The following CPED1 variants were observed in gnomAD, a reference collection of about 807,000 sequenced individuals.
CPED1 encodes the protein cadherin-like and PC-esterase domain-containing protein 1.
A neutral mutation model predicts 128.2 loss-of-function variants in CPED1; 114 were observed. That is an observed-to-expected ratio of 0.89 (90% CI 0.76 to 1.04). The LOEUF (loss-of-function observed/expected upper bound fraction) is 1.04, where lower values mean the gene tolerates loss of function less well. CPED1 is among the 50% of genes least tolerant of loss of function. The pLI, the probability that CPED1 is intolerant of heterozygous loss-of-function variation, is 0.00. For missense variants in CPED1, 1,211 were observed against 1,207.1 expected, an observed-to-expected ratio of 1.00 and a Z score of -0.05; for synonymous variants, 462 against 426.7, an observed-to-expected ratio of 1.08 and a Z score of -1.02.
chr7:121,240,933 T>G (rs1798377475), intron 17 of CPED1, among the ~76,000 whole-genome samples: 1 of 152,086 alleles, frequency 6.6e-6, no homozygotes, highest in Admixed American at 6.5e-5. Flanking sequence ...CAACAAAGAT[T>G]AAACTTTAGG....
intron 7 of CPED1, among the ~76,000 whole-genome samples, chr7:121,108,743 T>C (rs1795041364): frequency 6.6e-6 from 1 of 152,104 alleles, no homozygotes; most frequent in South Asian, 2.1e-4. Context: ...AAATGACTTA[T>C]AAACATGCTA....
intron 7 of CPED1, among the ~76,000 whole-genome samples, chr7:121,110,117 A>T (rs981482344): frequency 2.6e-5 from 4 of 152,314 alleles, no homozygotes; most frequent in African/African-American, 7.2e-5. Context: ...GACCTTAGAC[A>T]AATCTGCTTA....
intron 22 of CPED1, among the ~76,000 whole-genome samples, chr7:121,284,303 G>GGGAAC (rs1327924318): frequency 6.6e-6 from 1 of 152,104 alleles, no homozygotes; most frequent in Non-Finnish European, 1.5e-5. Context: ...TGTGGATTAT[G>GGGAAC]GGAACTAAAA....
rs141891174 is a variant in CPED1 at position 121,054,625 on chromosome 7, T to A, written c.540+7632T>A. 1.1e-4 allele frequency among the ~76,000 whole-genome samples: 16 copies of A among 152,018 alleles called. 1 individual carries two copies. In the East Asian group the frequency reaches 1.5e-3, roughly 15 times the overall value. ...TCATTTGCTGCAATTTATGTATTAT[T>A]TGAGTCCCCAACCTCCACCCCCACT... On this transcript the variant is annotated intron_variant, in intron 4 of 22. Coordinates refer to ENST00000310396, the MANE Select transcript of CPED1 (RefSeq NM_024913.5).
chr7:121,048,492 A>C (rs1793270964), intron 4 of CPED1, among the ~76,000 whole-genome samples: 1 of 152,090 alleles, frequency 6.6e-6, no homozygotes, highest in Non-Finnish European at 1.5e-5. Flanking sequence ...ATTAATTGCC[A>C]ATACTACTGA....
chr7:121,043,192 A>G (rs955057490), intron 3 of CPED1, among the ~76,000 whole-genome samples: 4 of 152,198 alleles, frequency 2.6e-5, no homozygotes, highest in African/African-American at 9.6e-5. Flanking sequence ...AGATGAGGCA[A>G]GGCCCAGGTA....
chr7:121,067,075 GC>G (rs763559572), intron 5 of CPED1, among the ~76,000 whole-genome samples: 10 of 151,638 alleles, frequency 6.6e-5, no homozygotes, highest in Admixed American at 1.3e-4. Context: ...GGGGTGGGGT[GC>G]AGTCCTAAAA....
intron 22 of CPED1, among the ~76,000 whole-genome samples, chr7:121,287,789 A>G (rs187384988): frequency 1.7e-4 from 26 of 152,236 alleles, no homozygotes; most frequent in African/African-American, 5.8e-4. Context: ...GCATTTGTTC[A>G]TGTGCTTTTT....
intron 16 of CPED1, among the ~76,000 whole-genome samples, chr7:121,210,505 C>A (rs1235651408): frequency 6.6e-6 from 1 of 151,880 alleles, no homozygotes; most frequent in Non-Finnish European, 1.5e-5. Context: ...TTGTTTACAA[C>A]AACATGAATG....
chr7:121,258,621 A>G (rs1562853696), intron 18 of CPED1, among the ~76,000 whole-genome samples: 1 of 152,114 alleles, frequency 6.6e-6, no homozygotes. Context: ...CTGGAGGAAC[A>G]GACAATGGAG....
intron 18 of CPED1, among the ~76,000 whole-genome samples, chr7:121,252,403 A>G (rs574173467): frequency 0.29 from 43,213 of 149,646 alleles, 6,790 homozygotes; most frequent in Middle Eastern, 0.44. Flanking sequence ...GGACATAGAC[A>G]TCGGCAAGGA....
chr7:121,091,839 ATAT>A (rs1378587680), intron 5 of CPED1, among the ~76,000 whole-genome samples: 2 of 152,182 alleles, frequency 1.3e-5, no homozygotes, highest in Admixed American at 6.5e-5. Context: ...GTTATTTATA[ATAT>A]TATTTGTAAA....
chr7:121,214,426 G>A (rs994055195), intron 16 of CPED1, among the ~76,000 whole-genome samples: 1 of 151,926 alleles, frequency 6.6e-6, no homozygotes, highest in Non-Finnish European at 1.5e-5. Context: ...TGGAGTAGCT[G>A]GGATTACAGG....
chr7:121,222,459 G>A (rs1320853216), intron 16 of CPED1, among the ~76,000 whole-genome samples: 1 of 152,084 alleles, frequency 6.6e-6, no homozygotes, highest in Non-Finnish European at 1.5e-5. Flanking sequence ...GGTTCCATAT[G>A]AATTTTAGAG....
At chr7:121,005,100 C>T (rs1791973780) in intron 2 of CPED1, among the ~76,000 whole-genome samples, 2 of 152,118 alleles carry the variant, frequency 1.3e-5, no homozygotes, top group South Asian at 2.1e-4. Flanking sequence ...TGACAGAACG[C>T]TTATGAAACA....
intron 17 of CPED1, among the ~76,000 whole-genome samples, chr7:121,238,631 G>A (rs1173628202): frequency 1.3e-5 from 2 of 151,960 alleles, no homozygotes; most frequent in African/African-American, 4.8e-5. Flanking sequence ...AGGAGGAAGT[G>A]GCACAGGGCC....
intron 7 of CPED1, among the ~76,000 whole-genome samples, chr7:121,103,699 G>C (rs1372121309): frequency 6.6e-6 from 1 of 152,088 alleles, no homozygotes; most frequent in Admixed American, 6.6e-5. Flanking sequence ...GTGCACGTGT[G>C]TGTGTACTGA....
intron 4 of CPED1, among the ~76,000 whole-genome samples, chr7:121,055,242 T>C (rs980987230): frequency 6.6e-6 from 1 of 152,188 alleles, no homozygotes; most frequent in Non-Finnish European, 1.5e-5. Flanking sequence ...TGTTTAACTT[T>C]AAGAAACTTT....
At chr7:121,231,065 T>A (rs1231686190) in intron 16 of CPED1, among the ~76,000 whole-genome samples, 2 of 152,014 alleles carry the variant, frequency 1.3e-5, no homozygotes, top group African/African-American at 4.8e-5. Context: ...GCCATGAAGA[T>A]GAATGATATC....
Sources: gnomAD v4.1 joint callset for allele counts (sites outside exome capture counted in the v4.1 genomes callset) on GRCh38, gnomAD v4.1.1 for gene constraint, MANE v1.5 for transcripts, NCBI Gene and HGNC (gene_info 2026-07-23, HGNC 2026-07-21) for gene names.